The following MYO16 variants were observed in gnomAD, a reference collection of about 807,000 sequenced individuals.
MYO16 encodes the protein myosin XVI.
In MYO16, 94 loss-of-function variants were observed where a neutral mutation model predicts 205.3. The ratio of observed to expected loss-of-function variants is 0.46; its 90% CI spans 0.39 to 0.54. The LOEUF (loss-of-function observed/expected upper bound fraction) is 0.54. MYO16 is among the 20% of genes least tolerant of loss of function. MYO16 has a pLI of 0.00. For missense variants in MYO16, 2,315 were observed against 2,387.5 expected (o/e 0.97, Z 0.63); for synonymous variants, 988 against 954.0 (o/e 1.04, Z -0.66).
At chr13:109,149,696 C>A (rs1478428690) in intron 32 of MYO16, among the ~76,000 whole-genome samples, 1 of 152,180 alleles carries the variant, frequency 6.6e-6, no homozygotes, top group Non-Finnish European at 1.5e-5. Flanking sequence ...TGAAACAGAG[C>A]ATGTTCTTCG....
intron 3 of MYO16, among the ~76,000 whole-genome samples, chr13:108,721,840 G>A (rs1884176150): frequency 6.6e-6 from 1 of 152,184 alleles, no homozygotes. Context: ...GACATTTCCA[G>A]AAGTGGAAAT....
At chr13:108,704,938 C>CA (rs111486703) in intron 2 of MYO16, among the ~76,000 whole-genome samples, 2,376 of 142,720 alleles carry the variant, frequency 0.017, 55 homozygotes, top group South Asian at 0.067. Context: ...GCTAAACTGA[C>CA]AAAAAAAAAA....
intron 33 of MYO16, among the ~76,000 whole-genome samples, chr13:109,173,963 C>T (rs546087921): frequency 1.1e-3 from 151 of 141,332 alleles, no homozygotes; most frequent in Non-Finnish European, 1.8e-3. Flanking sequence ...GGGGTACTCT[C>T]TGCTGTTTTG....
intron 4 of MYO16, 40 bp downstream of exon 4, chr13:108,727,623 G>T: frequency 1.3e-6 from 2 of 1,582,352 alleles, no homozygotes; most frequent in African/African-American, 1.4e-5. Flanking sequence ...AAGATTTGAT[G>T]GCATGTAAAA....
chr13:109,079,387 G>GTT (rs34736383), intron 27 of MYO16, among the ~76,000 whole-genome samples: 1,961 of 150,442 alleles, frequency 0.013, 23 homozygotes, highest in South Asian at 0.03. Context: ...TACTGTATGG[G>GTT]TTTTTTTTTT....
chr13:109,109,659 C>T (rs157014), intron 28 of MYO16, among the ~76,000 whole-genome samples: 56,342 of 150,720 alleles, frequency 0.37, 10,612 homozygotes, highest in Non-Finnish European at 0.4. Context: ...GGTGGAATCT[C>T]TTTTAAAACC....
rs79602991 is a variant in MYO16, at chr13:108,943,620, T to A, written c.1926-14068T>A. 7.2e-3 allele frequency among the ~76,000 whole-genome samples: 1,097 copies of A among 152,084 alleles called. 40 individuals carry two copies. Among genetic ancestry groups the A allele is most frequent in the East Asian group, 0.072 (369 of 5,154 alleles). Reference sequence around the variant, plus strand: ...GCGTGAGTCACCACACCCAGCTAATTTAGTATTTTTAGTAGAGATGAGGTT... The same window carrying A: ...GCGTGAGTCACCACACCCAGCTAATATAGTATTTTTAGTAGAGATGAGGTT... On this transcript the variant is annotated intron_variant, in intron 16 of 34. Transcript: ENST00000457511.
At chr13:109,022,671 TA>T (rs1886111219) in intron 23 of MYO16, among the ~76,000 whole-genome samples, 1 of 65,126 alleles carries the variant, frequency 1.5e-5, no homozygotes, top group African/African-American at 4.8e-5. Flanking sequence ...TTATATATTA[TA>T]TATACACATA....
intron 11 of MYO16, among the ~76,000 whole-genome samples, chr13:108,856,908 A>G (rs1388620737): frequency 6.6e-6 from 1 of 152,128 alleles, no homozygotes; most frequent in Non-Finnish European, 1.5e-5. Flanking sequence ...TGTAATCTCA[A>G]AACTCCCAGT....
chr13:108,958,919 G>A (rs1883480069), intron 17 of MYO16, among the ~76,000 whole-genome samples: 1 of 152,174 alleles, frequency 6.6e-6, no homozygotes, highest in Non-Finnish European at 1.5e-5. Flanking sequence ...TAGTTCACAA[G>A]CCCAGATTAG....
the MYO16 span, among the ~76,000 whole-genome samples, chr13:108,510,425 A>ATTTTTTTTTTTTTT: frequency 6.4e-4 from 62 of 97,088 alleles, 1 homozygote; most frequent in African/African-American, 1.4e-3. Context: ...TAGATAGTTA[A>ATTTTTTTTTTTTTT]TTTTTTTTTT....
intron 23 of MYO16, among the ~76,000 whole-genome samples, chr13:109,023,865 T>G (rs1184661008): frequency 7.2e-6 from 1 of 138,260 alleles, no homozygotes; most frequent in Admixed American, 7.5e-5. Flanking sequence ...AATATAAAAT[T>G]TATTAAATTT....
At chr13:109,052,268 C>A in intron 24 of MYO16, 32 bp from the exon 25 acceptor site, 1 of 1,570,154 alleles carries the variant, frequency 6.4e-7, no homozygotes, top group Non-Finnish European at 8.8e-7. Flanking sequence ...AATTTTAGTG[C>A]CACTTACGAT....
At chr13:108,540,977 G>C in the MYO16 span, among the ~76,000 whole-genome samples, 1 of 152,122 alleles carries the variant, frequency 6.6e-6, no homozygotes, top group Admixed American at 6.5e-5. Context: ...GCGAAGTGTT[G>C]ATTTAAAGAT....
At chr13:108,745,246 G>A (rs938941569) in intron 4 of MYO16, among the ~76,000 whole-genome samples, 11 of 152,180 alleles carry the variant, frequency 7.2e-5, no homozygotes, top group African/African-American at 2.4e-4. Context: ...AAATGGCAAT[G>A]TGTTGACTTG....
chr13:109,160,242 C>T (rs1261457882), intron 32 of MYO16, among the ~76,000 whole-genome samples: 2 of 152,182 alleles, frequency 1.3e-5, no homozygotes, highest in East Asian at 3.8e-4. Context: ...ATCACATTGA[C>T]TGGGAGTGAT....
intron 4 of MYO16, among the ~76,000 whole-genome samples, chr13:108,770,753 GA>G (rs1885934361): frequency 6.6e-6 from 1 of 152,182 alleles, no homozygotes; most frequent in Non-Finnish European, 1.5e-5. Context: ...GAGAAAATAA[GA>G]ACCATTTCCA....
chr13:108,809,518 A>T (rs1034249898), intron 7 of MYO16, among the ~76,000 whole-genome samples: 6 of 152,198 alleles, frequency 3.9e-5, no homozygotes, highest in African/African-American at 1.2e-4. Context: ...GAACAGGCAC[A>T]TCACACGGTG....
At chr13:108,977,732 A>G (rs895262279) in intron 20 of MYO16, among the ~76,000 whole-genome samples, 1 of 151,908 alleles carries the variant, frequency 6.6e-6, no homozygotes, top group Non-Finnish European at 1.5e-5. Flanking sequence ...TAGATTTTTA[A>G]TCTATTTTAC....
Sources: gnomAD v4.1 joint callset for allele counts (sites outside exome capture counted in the v4.1 genomes callset) on GRCh38, gnomAD v4.1.1 for gene constraint, MANE v1.5 for transcripts, NCBI Gene and HGNC (gene_info 2026-07-23, HGNC 2026-07-21) for gene names.